The following ARHGAP35 variants were observed in gnomAD, a reference collection of about 807,000 sequenced individuals.
The protein encoded by ARHGAP35 is rho GTPase-activating protein 35.
A neutral mutation model predicts 111.1 loss-of-function variants in ARHGAP35; 15 were observed. That is an observed-to-expected ratio of 0.13 (90% CI 0.09 to 0.21). The LOEUF is 0.21. ARHGAP35 is among the 10% of genes least tolerant of loss of function. The pLI, the probability that ARHGAP35 is intolerant of heterozygous loss-of-function variation, is 1.00. For synonymous variants in ARHGAP35, 643 were observed against 710.3 expected (o/e 0.91, Z 1.51); for missense variants, 1,262 against 1,873.0 (o/e 0.67, Z 6.02).
chr19:46,863,286 C>T (rs2055838776), intron 1 of ARHGAP35, among the ~76,000 whole-genome samples: 1 of 152,216 alleles, frequency 6.6e-6, no homozygotes, highest in South Asian at 2.1e-4. Flanking sequence ...TGCGCCCTAA[C>T]CCTGAGGGTT....
intron 3 of ARHGAP35, among the ~76,000 whole-genome samples, chr19:46,978,599 G>GGGTGT (rs376555843): frequency 7.8e-6 from 1 of 128,544 alleles, no homozygotes; most frequent in Admixed American, 7.8e-5. Flanking sequence ...CGTGTGGGGG[G>GGGTGT]GGTGTGGTGT....
chr19:46,990,252 C>T (rs896244172), intron 5 of ARHGAP35, among the ~76,000 whole-genome samples: 1 of 152,208 alleles, frequency 6.6e-6, no homozygotes, highest in African/African-American at 2.4e-5. Flanking sequence ...AAATTAGCAC[C>T]TCTGGTTTTA....
intron 1 of ARHGAP35, among the ~76,000 whole-genome samples, chr19:46,881,362 T>G (rs2055961754): frequency 6.6e-6 from 1 of 152,252 alleles, no homozygotes; most frequent in Non-Finnish European, 1.5e-5. Context: ...TGAAATGTGT[T>G]TCTTAGGTAA....
At position 46,920,577 on chromosome 19, in the gene ARHGAP35, G is replaced by A. The variant is rs370275563; in HGVS notation, c.1902G>A (p.Glu634=). The A allele has an allele frequency of 2.3e-5, 37 of 1,613,914 alleles. No homozygotes were observed. Among genetic ancestry groups the A allele is most frequent in the Non-Finnish European group, 3.0e-5 (35 of 1,179,908 alleles). ...ATGTGATAGATGGTAAAATGTATGA[G>A]CTTTCCCTGAGGCCAATAGAGGGGA... ...DKYVIDGKMY[E]LSLRPIEGNV... The change falls in exon 2 of 7, where the codon GAG becomes GAA. Residue 634 remains glutamate (E), a synonymous_variant. Coordinates refer to ENST00000672722, the MANE Select transcript of ARHGAP35 (RefSeq NM_004491.5). This position sits in a 1 kb window ranked among gnomAD's most constrained non-coding sequence, Gnocchi z 7.0.
Position 46,985,934 on chromosome 19 carries a change from G to T in ARHGAP35, c.3827-2055G>T, listed in dbSNP as rs529654048. ...CAGGCCAGTTGCTTTTATCTTGCCT[G>T]ATGGCTGTCTCTCCAGAGGTAGCAG... On this transcript the variant is annotated intron_variant, in intron 3 of 6. Transcript: ENST00000672722. Among the ~76,000 whole-genome samples the T allele has an allele frequency of 2.6e-5, 4 of 152,270 alleles. No homozygotes were observed. In the South Asian group the frequency reaches 8.3e-4, roughly 32 times the overall value.
chr19:46,872,880 C>CA (rs11402068), intron 1 of ARHGAP35, among the ~76,000 whole-genome samples: 78,657 of 127,008 alleles, frequency 0.62, 22,564 homozygotes, highest in Middle Eastern at 0.79. Context: ...GACTCCGTCT[C>CA]AAAAAAAAAA....
intron 3 of ARHGAP35, among the ~76,000 whole-genome samples, chr19:46,976,369 T>C (rs964174484): frequency 2.0e-5 from 3 of 151,870 alleles, no homozygotes; most frequent in African/African-American, 7.3e-5. Flanking sequence ...ATAAGCAGGG[T>C]TCATTTAGCT....
At chr19:46,883,030 C>T (rs1444054385) in intron 1 of ARHGAP35, among the ~76,000 whole-genome samples, 2 of 152,110 alleles carry the variant, frequency 1.3e-5, no homozygotes, top group African/African-American at 4.8e-5. Flanking sequence ...TGATTGAAAG[C>T]GAGGGACATG....
Position 46,991,429 on chromosome 19 carries a change from G to T in ARHGAP35, c.4036+1754G>T, listed in dbSNP as rs531157483. Reference sequence around the variant, plus strand: ...CCTTTTTGTGTAGGGTTGTGGGGCCGGCAGGAACGGGAGGTGCTATTGATA... The same window carrying T: ...CCTTTTTGTGTAGGGTTGTGGGGCCTGCAGGAACGGGAGGTGCTATTGATA... On this transcript the variant is annotated intron_variant, in intron 5 of 6. Transcript: ENST00000672722. Among the ~76,000 whole-genome samples the T allele has an allele frequency of 3.9e-5, 6 of 152,300 alleles. No individual in the cohort carries two copies. In the South Asian group the frequency reaches 1.2e-3, roughly 32 times the overall value.
intron 1 of ARHGAP35, among the ~76,000 whole-genome samples, chr19:46,880,792 C>T (rs1339058343): frequency 1.3e-5 from 2 of 151,992 alleles, no homozygotes; most frequent in African/African-American, 4.8e-5. Context: ...CCTCCTGCCT[C>T]AGCCTACCGA....
rs764344593 is a variant in ARHGAP35 at position 46,999,312 on chromosome 19, G to C, written c.4045G>C (p.Asp1349His). The C allele has an allele frequency of 1.9e-6, 3 of 1,584,616 alleles. No individual in the cohort carries two copies. Among genetic ancestry groups the C allele is most frequent in the South Asian group, 2.3e-5 (2 of 86,342 alleles). The change falls in exon 6 of 7, where the codon GAC (aspartate) becomes CAC (histidine). Residue 1349 changes from aspartate to histidine, a missense_variant. Coordinates refer to ENST00000672722, the MANE Select transcript of ARHGAP35 (RefSeq NM_004491.5). The surrounding 1 kb of genome is among the most constrained non-coding windows in gnomAD (Gnocchi z 5.4). ...IDLVEAHKIN[D>H]REQKLHALKE... ...GTTTTCTCTCTCCTCAGAAATCAAC[G>C]ACCGGGAGCAGAAGTTGCATGCCCT...
intron 1 of ARHGAP35, among the ~76,000 whole-genome samples, chr19:46,876,042 C>A (rs536042287): frequency 6.6e-6 from 1 of 152,292 alleles, no homozygotes; most frequent in South Asian, 2.1e-4. Flanking sequence ...ACCTGCTCTG[C>A]ACCCTCCGAC....
intron 3 of ARHGAP35, among the ~76,000 whole-genome samples, chr19:46,938,501 C>T (rs748594269): frequency 7.3e-5 from 11 of 151,292 alleles, no homozygotes; most frequent in Middle Eastern, 7.2e-3. Flanking sequence ...TACAGGCGCC[C>T]GCCATGACGC....
At chr19:46,957,540 G>C (rs549219687) in intron 3 of ARHGAP35, among the ~76,000 whole-genome samples, 67 of 152,166 alleles carry the variant, frequency 4.4e-4, no homozygotes, top group African/African-American at 1.6e-3. Flanking sequence ...TTGAGCCTGG[G>C]AGCTCAAGGC....
rs947050829 is a variant in ARHGAP35 at position 46,935,567 on chromosome 19, G to C, written c.3682-1697G>C. On this transcript the variant is annotated intron_variant, in intron 2 of 6. Coordinates refer to ENST00000672722, the MANE Select transcript of ARHGAP35 (RefSeq NM_004491.5). ...GAAGGAGAGGGAATAGGTGGCCTGCGGCCTGGCGGTTCGTTGTTTCCTTCA... is the reference window on the plus strand; with the variant it reads ...GAAGGAGAGGGAATAGGTGGCCTGCCGCCTGGCGGTTCGTTGTTTCCTTCA... 5.3e-5 allele frequency among the ~76,000 whole-genome samples: 8 copies of C among 152,142 alleles called. No homozygotes were observed. In the South Asian group the frequency reaches 1.7e-3, roughly 32 times the overall value.
intron 1 of ARHGAP35, among the ~76,000 whole-genome samples, chr19:46,888,275 TATATATATATATATATATATATATATATA>T (rs2056003913): frequency 3.1e-5 from 1 of 32,418 alleles, no homozygotes. Context: ...TATATATATA[TATATATATATATATATATATATATATATA>T]TATATATATA....
chr19:46,921,369 T>A lies in ARHGAP35; in HGVS notation c.2694T>A (p.Asn898Lys), dbSNP rs1270492135. 1 of 1,613,818 alleles carries A rather than the reference T, an allele frequency of 6.2e-7. No individual in the cohort carries two copies. Among genetic ancestry groups the A allele is most frequent in the Non-Finnish European group, 8.5e-7 (1 of 1,179,896 alleles). The change falls in exon 2 of 7, where the codon AAT becomes AAA. Residue 898 changes from asparagine to lysine, a missense_variant. This residue lies in a region of ARHGAP35 where 579 missense variants were observed against 716.9 expected (regional missense o/e 0.81). Transcript: ENST00000672722. This position sits in a 1 kb window ranked among gnomAD's most constrained non-coding sequence, Gnocchi z 4.3. Reference protein sequence around the residue: ...LTDGAVDVLDNDLSREQLTEG... With the variant: ...LTDGAVDVLDKDLSREQLTEG... ...ATGGCGCTGTAGATGTCCTGGACAA[T>A]GACTTAAGTAGGGAACAGCTAACTG...
In ARHGAP35 at chr19:46,870,582, GA is replaced by G. The variant is rs574392142; in HGVS notation, c.-189+9385del. ...TGACAGAGCAAGACTCAGTCTCAAA[GA>G]AAAAAAAAAAATTTCTTCCTCTGAT... On this transcript the variant is annotated intron_variant, in intron 1 of 6. Transcript: ENST00000672722. Among the ~76,000 whole-genome samples, 1,026 of 143,054 alleles carry G rather than the reference GA, an allele frequency of 7.2e-3. 4 individuals are homozygous for G. The highest frequency in any genetic ancestry group is 0.022 in the South Asian group (102 of 4,570). 93.8% of individuals were successfully genotyped at this position (143,054 alleles called of 152,430 possible). A position where few individuals can be genotyped will look rare whatever the true frequency, so the allele number is the denominator to read the frequency against.
intron 2 of ARHGAP35, among the ~76,000 whole-genome samples, chr19:46,932,872 C>T (rs1250279722): frequency 6.6e-6 from 1 of 152,144 alleles, no homozygotes; most frequent in African/African-American, 2.4e-5. Context: ...AAATCTGGGG[C>T]TCTTTGAGGT....
Sources: allele counts gnomAD v4.1 joint callset (sites outside exome capture counted in the v4.1 genomes callset), GRCh38; gene constraint gnomAD v4.1.1; regional missense constraint gnomAD v4.1.1; non-coding constraint Gnocchi (gnomAD v3.1); transcripts MANE v1.5; gene names NCBI Gene and HGNC (gene_info 2026-07-23, HGNC 2026-07-21).